Variants in GADL1 observed in about 807,000 individuals in gnomAD.
The protein encoded by GADL1 is acidic amino acid decarboxylase GADL1.
GADL1 carries 71 observed loss-of-function variants against 69.5 expected under a neutral mutation model. That is an observed-to-expected ratio of 1.02 (90% confidence interval 0.84 to 1.25). GADL1 has a LOEUF of 1.25. Ranked by LOEUF, GADL1 falls within the 50% of genes most tolerant of loss-of-function variation. The probability of loss-of-function intolerance (pLI) is 0.00; values close to 1 mark genes in which losing one functional copy is unlikely to be tolerated. For missense variants in GADL1, 737 were observed against 631.8 expected, an observed-to-expected ratio of 1.17 and a Z score of -1.79; for synonymous variants, 254 against 214.4, an observed-to-expected ratio of 1.18 and a Z score of -1.62.
chr3:30,865,098 C>T (rs1424353428), intron 1 of GADL1, among the ~76,000 whole-genome samples: 1 of 151,920 alleles, frequency 6.6e-6, no homozygotes, highest in Non-Finnish European at 1.5e-5. Flanking sequence ...TACTGTCCTC[C>T]AAGCTCACAC....
intron 14 of GADL1, among the ~76,000 whole-genome samples, chr3:30,759,683 T>C (rs797054): frequency 0.42 from 64,297 of 152,054 alleles, 13,658 homozygotes; most frequent in Non-Finnish European, 0.44. Context: ...TAGATTAGGT[T>C]CTTCAGAAAT....
chr3:30,855,607 T>A (rs1002049910), intron 3 of GADL1, among the ~76,000 whole-genome samples: 2 of 147,566 alleles, frequency 1.4e-5, no homozygotes, highest in East Asian at 2.6e-4. Flanking sequence ...CCAATTTTAA[T>A]TTTTTTCCCC....
At chr3:30,835,378 A>G (rs776568260) in intron 9 of GADL1, among the ~76,000 whole-genome samples, 2 of 152,084 alleles carry the variant, frequency 1.3e-5, no homozygotes, top group Non-Finnish European at 2.9e-5. Context: ...AGACCTTAAT[A>G]TCATGTAAAA....
In GADL1 at chr3:30,772,168, G is replaced by A. The variant is rs541526440; in HGVS notation, c.1392+6011C>T. 8.5e-5 allele frequency among the ~76,000 whole-genome samples: 13 copies of A among 152,216 alleles called. No individual in the cohort carries two copies. In the East Asian group the frequency reaches 1.7e-3, roughly 20 times the overall value. On this transcript the variant is annotated intron_variant, in intron 14 of 14. Coordinates refer to ENST00000282538, the MANE Select transcript of GADL1 (RefSeq NM_207359.3). ...TATCACCAAACAATAAAACAAACCC[G>A]TCAAGTAGATTTTAAGATTTATTTC... is the stretch of plus-strand genomic sequence containing the variant.
At chr3:30,737,493 A>T (rs1224796054) in intron 14 of GADL1, among the ~76,000 whole-genome samples, 1 of 152,042 alleles carries the variant, frequency 6.6e-6, no homozygotes, top group African/African-American at 2.4e-5. Flanking sequence ...CAAAGAATCA[A>T]TTTTTCTCTT....
At chr3:30,861,178 C>CT (rs1207519911) in intron 2 of GADL1, among the ~76,000 whole-genome samples, 1 of 151,780 alleles carries the variant, frequency 6.6e-6, no homozygotes, top group Non-Finnish European at 1.5e-5. Context: ...TTTTTACATC[C>CT]TTTTCCATCT....
At chr3:30,782,580 A>G (rs1389906815) in intron 13 of GADL1, among the ~76,000 whole-genome samples, 2 of 152,178 alleles carry the variant, frequency 1.3e-5, no homozygotes, top group African/African-American at 4.8e-5. Flanking sequence ...GGAAATATTC[A>G]TATACAAAGG....
At chr3:30,821,423 A>G (rs1299066354) in intron 11 of GADL1, among the ~76,000 whole-genome samples, 1 of 152,056 alleles carries the variant, frequency 6.6e-6, no homozygotes, top group Non-Finnish European at 1.5e-5. Context: ...TTTTATACAC[A>G]CGGCAGAGGA....
In GADL1 at chr3:30,861,665, T is replaced by C. The variant is rs1229689301; in HGVS notation, c.138A>G (p.Glu46=). ...GCCTACAGGCCTCTTCAACAAATTT[T>C]TCTCCAGCTTTTGCATCTGTTGTAG... ...NGPTTDAKAG[E]KFVEEACRLI... Residue 46 remains glutamate (E), a synonymous_variant, in exon 2 of 15, where the codon GAA becomes GAG. Transcript: ENST00000282538. The C allele has an allele frequency of 6.4e-7, 1 of 1,550,560 alleles. No homozygotes were observed. The highest frequency in any genetic ancestry group is 2.0e-5 in the Admixed American group (1 of 50,910).
At chr3:30,744,307 C>T (rs959489971) in intron 14 of GADL1, among the ~76,000 whole-genome samples, 1 of 152,102 alleles carries the variant, frequency 6.6e-6, no homozygotes, top group African/African-American at 2.4e-5. Flanking sequence ...AAAGTCAAGG[C>T]AACAAGCTGA....
intron 14 of GADL1, among the ~76,000 whole-genome samples, chr3:30,755,721 A>G (rs1695952182): frequency 7.5e-6 from 1 of 133,564 alleles, no homozygotes; most frequent in Non-Finnish European, 1.7e-5. Context: ...GACACATTGG[A>G]AATGTTCAAT....
intron 11 of GADL1, among the ~76,000 whole-genome samples, chr3:30,802,593 G>C (rs760264414): frequency 1.3e-5 from 2 of 152,174 alleles, no homozygotes; most frequent in Non-Finnish European, 2.9e-5. Flanking sequence ...CTAATTAGCT[G>C]AATGAAAAGG....
chr3:30,839,015 G>A lies in GADL1; in HGVS notation c.885C>T (p.Ser295=), dbSNP rs1697919718. ...DEIADICERH[S]LWLHVDASWG... is the part of the protein sequence containing the mutation. The stretch of plus-strand genomic sequence containing the variant: ...AACTTACATCTACATGAAGCCAGAG[G>A]CTGTGCCTCTCGCAGATGTCTGCTA... Residue 295 remains serine (S), a synonymous_variant, in exon 9 of 15, where the codon AGC becomes AGT. Transcript: ENST00000282538. The A allele has an allele frequency of 6.3e-7, 1 of 1,597,394 alleles. No individual in the cohort carries two copies. Among genetic ancestry groups the A allele is most frequent in the Non-Finnish European group, 8.5e-7 (1 of 1,170,430 alleles).
Position 30,762,349 on chromosome 3 carries a change from C to T in GADL1, c.1392+15830G>A, listed in dbSNP as rs558734759. ...GGTAGTTCAATATATAAGGGTCCTT[C>T]GAAGACTGAAGTTTTCATGCGATTT... On this transcript the variant is annotated intron_variant, in intron 14 of 14. Transcript: ENST00000282538. Among the ~76,000 whole-genome samples the T allele has an allele frequency of 1.7e-4, 26 of 152,162 alleles. 1 individual carries two copies. In the South Asian group the frequency reaches 3.9e-3, roughly 23 times the overall value.
At chr3:30,865,380 C>T (rs1208241578) in intron 1 of GADL1, among the ~76,000 whole-genome samples, 1 of 151,802 alleles carries the variant, frequency 6.6e-6, no homozygotes, top group Non-Finnish European at 1.5e-5. Flanking sequence ...GTCGGTTTCA[C>T]TGTTATTTCC....
chr3:30,816,023 T>C (rs1031456223), intron 11 of GADL1, among the ~76,000 whole-genome samples: 9 of 152,206 alleles, frequency 5.9e-5, no homozygotes, highest in African/African-American at 2.4e-5. Context: ...TGGGATTTGA[T>C]ATGTGGATTT....
At chr3:30,773,795 G>T (rs1319786703) in intron 14 of GADL1, among the ~76,000 whole-genome samples, 9 of 152,054 alleles carry the variant, frequency 5.9e-5, no homozygotes, top group African/African-American at 2.2e-4. Context: ...TACATTTTTA[G>T]AAAAGGAATT....
chr3:30,815,781 T>G (rs1697457179), intron 11 of GADL1, among the ~76,000 whole-genome samples: 1 of 152,238 alleles, frequency 6.6e-6, no homozygotes, highest in African/African-American at 2.4e-5. Flanking sequence ...TGTACACTGT[T>G]ACGGCTTTAC....
chr3:30,736,199 A>T (rs556308644), intron 14 of GADL1, among the ~76,000 whole-genome samples: 2 of 152,172 alleles, frequency 1.3e-5, no homozygotes, highest in East Asian at 3.9e-4. Flanking sequence ...ATTATCAATA[A>T]CACCCCTTTT....
Sources: gnomAD v4.1 joint callset for allele counts (sites outside exome capture counted in the v4.1 genomes callset) on GRCh38, gnomAD v4.1.1 for gene constraint, MANE v1.5 for transcripts, NCBI Gene and HGNC (gene_info 2026-07-23, HGNC 2026-07-21) for gene names.